The following TLN2 variants were observed in gnomAD, a reference collection of about 807,000 sequenced individuals.
TLN2 encodes the protein talin-2.
In TLN2, 118 loss-of-function variants were observed where a neutral mutation model predicts 294.7. The ratio of observed to expected loss-of-function variants is 0.40; its 90% CI spans 0.34 to 0.47. TLN2 has a LOEUF of 0.47. Among genes scored for constraint, TLN2 ranks in the 20% least tolerant of loss-of-function variants. TLN2 has a pLI of 0.84. For missense variants in TLN2, 3,083 were observed against 3,282.2 expected (o/e 0.94, Z 1.48); for synonymous variants, 1,431 against 1,304.5 (o/e 1.10, Z -2.09).
chr15:62,761,043 A>G (rs1320869224), intron 37 of TLN2, among the ~76,000 whole-genome samples: 1 of 152,104 alleles, frequency 6.6e-6, no homozygotes, highest in Non-Finnish European at 1.5e-5. Context: ...TACAGGAGGC[A>G]CCCATTTGTG....
intron 1 of TLN2, among the ~76,000 whole-genome samples, chr15:62,573,556 GA>G (rs997220438): frequency 6.6e-5 from 10 of 152,080 alleles, no homozygotes; most frequent in African/African-American, 2.4e-4. Context: ...TTGCATGCAT[GA>G]CAGGGGTCCC....
chr15:62,510,349 TTAG>T (rs1267856968), intron 1 of TLN2, among the ~76,000 whole-genome samples: 1 of 152,202 alleles, frequency 6.6e-6, no homozygotes, highest in Non-Finnish European at 1.5e-5. Context: ...TGGGTGTCGC[TTAG>T]TAGCTTTGTG....
chr15:62,724,129 C>A (rs1567461318), intron 26 of TLN2, among the ~76,000 whole-genome samples: 1 of 152,124 alleles, frequency 6.6e-6, no homozygotes, highest in East Asian at 1.9e-4. Context: ...ACCTGGGCAA[C>A]AGAGTGAGAC....
intron 1 of TLN2, among the ~76,000 whole-genome samples, chr15:62,536,534 T>C (rs1033932284): frequency 6.6e-5 from 10 of 152,252 alleles, no homozygotes; most frequent in Non-Finnish European, 1.5e-4. Context: ...TATTTTTGCC[T>C]ACCTGCAGTG....
intron 7 of TLN2, among the ~76,000 whole-genome samples, chr15:62,655,242 G>T (rs186359140): frequency 2.1e-3 from 318 of 152,290 alleles, no homozygotes; most frequent in African/African-American, 7.2e-3. Context: ...AGAGACGCTG[G>T]TGATAAGGAC....
rs537587203 is a variant in TLN2 at position 62,697,842 on chromosome 15, A to T, written c.1447A>T (p.Met483Leu). Residue 483 changes from methionine (M) to leucine (L), a missense_variant, in exon 15 of 59, where the codon ATG (methionine) becomes TTG (leucine). By Grantham distance (15) the Met-to-Leu change is conservative. Transcript: ENST00000636159. ...ACAGCAGCAGGTCATGGTTGGGCAG[A>T]TGCACCGAGGCCACATGCCGCCACT... ...SPQQQVMVGQ[M>L]HRGHMPPLTS... The T allele has an allele frequency of 1.2e-6, 2 of 1,612,532 alleles. No individual in the cohort carries two copies. Among genetic ancestry groups the T allele is most frequent in the African/African-American group, 1.3e-5 (1 of 74,906 alleles).
At chr15:62,411,489 C>T (rs1050351049) in intron 1 of TLN2, among the ~76,000 whole-genome samples, 1 of 142,796 alleles carries the variant, frequency 7.0e-6, no homozygotes. Context: ...TGTTCCCATG[C>T]TGCATTGGCC....
At chr15:62,818,484 T>C (rs1437143643) in intron 52 of TLN2, among the ~76,000 whole-genome samples, 2 of 152,230 alleles carry the variant, frequency 1.3e-5, no homozygotes, top group Non-Finnish European at 2.9e-5. Context: ...GTTCCATTCA[T>C]GGATGAGTTT....
chr15:62,828,421 C>CAACA (rs770071640), intron 54 of TLN2: 3 of 152,228 alleles, frequency 2.0e-5, no homozygotes, highest in Admixed American at 6.5e-5. Context: ...GCAGAGGCAG[C>CAACA]AACAAACACC....
chr15:62,761,343 G>C (rs962773438), intron 37 of TLN2, among the ~76,000 whole-genome samples: 1 of 152,184 alleles, frequency 6.6e-6, no homozygotes, highest in Non-Finnish European at 1.5e-5. Context: ...AAGTGAGGAG[G>C]AAAGTAGTCC....
At chr15:62,413,543 G>A (rs1395839806) in intron 1 of TLN2, among the ~76,000 whole-genome samples, 3 of 152,222 alleles carry the variant, frequency 2.0e-5, no homozygotes, top group South Asian at 4.1e-4. Flanking sequence ...CAGATAGAGC[G>A]ACCTACGGAA....
At chr15:62,526,233 G>T (rs1424305534) in intron 1 of TLN2, among the ~76,000 whole-genome samples, 1 of 152,092 alleles carries the variant, frequency 6.6e-6, no homozygotes, top group Non-Finnish European at 1.5e-5. Context: ...AGGTTCAAGC[G>T]ATTCTCCTGC....
At chr15:62,532,766 C>CT (rs1376894365) in intron 1 of TLN2, among the ~76,000 whole-genome samples, 1 of 152,138 alleles carries the variant, frequency 6.6e-6, no homozygotes, top group South Asian at 2.1e-4. Context: ...CATTTACCTG[C>CT]TGTGTGACCT....
intron 51 of TLN2, among the ~76,000 whole-genome samples, chr15:62,808,800 G>T (rs929157360): frequency 6.6e-6 from 1 of 152,326 alleles, no homozygotes; most frequent in Middle Eastern, 3.4e-3. Flanking sequence ...TCCTGCCTCC[G>T]AGCCCATTAG....
intron 22 of TLN2, among the ~76,000 whole-genome samples, chr15:62,715,774 A>T (rs1376611846): frequency 6.6e-6 from 1 of 152,188 alleles, no homozygotes; most frequent in Non-Finnish European, 1.5e-5. Flanking sequence ...CTCTCTAGGA[A>T]TGTAATTTCT....
intron 52 of TLN2, among the ~76,000 whole-genome samples, chr15:62,815,880 T>G (rs1268910726): frequency 6.6e-6 from 1 of 152,250 alleles, no homozygotes; most frequent in Non-Finnish European, 1.5e-5. Flanking sequence ...CCCACTCCTA[T>G]TCTCTCTTTG....
chr15:62,626,864 G>A (rs534340161), intron 3 of TLN2, among the ~76,000 whole-genome samples: 290 of 152,218 alleles, frequency 1.9e-3, no homozygotes, highest in Non-Finnish European at 1.0e-3. Context: ...GGCATAAATT[G>A]TGTTTGCTGG....
rs1323396844 is a variant in TLN2 at position 62,613,838 on chromosome 15, T to G, written c.-161-4513T>G. Among the ~76,000 whole-genome samples, 10 of 140,456 alleles carry G rather than the reference T, an allele frequency of 7.1e-5. No homozygotes were observed. In the Admixed American group the frequency reaches 7.3e-4, roughly 10 times the overall value. 92.1% of individuals were successfully genotyped at this position (140,456 alleles called of 152,430 possible). The stretch of plus-strand genomic sequence containing the variant: ...TCAATCTCAAAATAATTATGCTAAG[T>G]AATGAAGCCAGGCCAAAAAAAAAAA... On this transcript the variant is annotated intron_variant, in intron 2 of 58. Transcript: ENST00000636159.
intron 42 of TLN2, 97 bp downstream of exon 42, chr15:62,771,231 T>A (rs2063333072): frequency 1.5e-6 from 2 of 1,341,592 alleles, no homozygotes; most frequent in Non-Finnish European, 2.0e-6. Flanking sequence ...CACTTCCAGT[T>A]CTTGCTGGTG....
Sources: gnomAD v4.1 joint callset for allele counts (sites outside exome capture counted in the v4.1 genomes callset) on GRCh38, gnomAD v4.1.1 for gene constraint, MANE v1.5 for transcripts, NCBI Gene and HGNC (gene_info 2026-07-23, HGNC 2026-07-21) for gene names.